Variants in MACF1 observed in about 807,000 individuals in gnomAD.
MACF1 encodes microtubule actin crosslinking factor 1.
In MACF1, 193 loss-of-function variants were observed where a neutral mutation model predicts 854.8. That is an observed-to-expected ratio of 0.23 (90% CI 0.20 to 0.25). MACF1 has a LOEUF of 0.25. Ranked by LOEUF, MACF1 falls within the 10% of genes least tolerant of loss-of-function variation. The pLI is 1.00. For synonymous variants in MACF1, 3,185 were observed against 3,226.7 expected (o/e 0.99, Z 0.44); for missense variants, 7,722 against 8,929.1 (o/e 0.86, Z 5.45).
chr1:39,226,664 C>T (rs1644720208), intron 1 of MACF1, among the ~76,000 whole-genome samples: 1 of 151,992 alleles, frequency 6.6e-6, no homozygotes, highest in South Asian at 2.1e-4. Context: ...TAAAAAGAAT[C>T]ATGCTACTCA....
intron 6 of MACF1, among the ~76,000 whole-genome samples, chr1:39,264,828 C>T (rs1158202839): frequency 2.0e-5 from 3 of 151,656 alleles, no homozygotes; most frequent in Non-Finnish European, 4.4e-5. Context: ...CGCCCGCCAC[C>T]GCGCCCGGCT....
rs780115554 is a variant in MACF1 at position 39,459,786 on chromosome 1, C to G, written c.21360+537C>G. On this transcript the variant is annotated intron_variant, in intron 91 of 100. Coordinates refer to ENST00000564288, the MANE Select transcript of MACF1 (RefSeq NM_001394062.1). ...AGTTTCTAAAACAAGCCTCTAATAT[C>G]TTTTGTATTTTTTTATTTGTGCATA... is the stretch of plus-strand genomic sequence containing the variant. The G allele has an allele frequency of 2.3e-6, 3 of 1,295,550 alleles. No homozygotes were observed. In the South Asian group the frequency reaches 3.7e-5, roughly 16 times the overall value. The allele number at this position is 1,295,550 out of a possible 1,614,324, so 80.3% of individuals were successfully genotyped here.
intron 2 of MACF1, among the ~76,000 whole-genome samples, chr1:39,186,196 C>T (rs1292225462): frequency 7.8e-6 from 1 of 127,538 alleles, no homozygotes; most frequent in African/African-American, 3.2e-5. Flanking sequence ...CTCTCTCTCT[C>T]TCTCTCTCTC....
intron 48 of MACF1, 80 bp from the exon 49 acceptor site, chr1:39,361,280 T>G: frequency 5.1e-6 from 7 of 1,365,848 alleles, no homozygotes; most frequent in Non-Finnish European, 5.1e-6. Flanking sequence ...CCTTGTGAGA[T>G]AGCATATAGT....
chr1:39,332,196 A>G lies in MACF1; in HGVS notation c.5608A>G (p.Ile1870Val). ...AATTACAGATGCCCTAGAACAAGGT[A>G]TTGTGTCTACTGAACTAGCACATAA... ...LPITDALEQG[I>V]VSTELAHKIL... Residue 1870 changes from isoleucine (I) to valine (V), a missense_variant, in exon 37 of 101, where the codon ATT (isoleucine) becomes GTT (valine). Around this residue, in one of 15 missense-constraint regions of MACF1, gnomAD observed 1,531 missense variants for 1,601.6 expected, o/e 0.96. Coordinates refer to ENST00000564288, the MANE Select transcript of MACF1 (RefSeq NM_001394062.1). The G allele has an allele frequency of 7.4e-6, 12 of 1,614,106 alleles. No homozygotes were observed. The highest frequency in any genetic ancestry group is 1.0e-5 in the Non-Finnish European group (12 of 1,180,028).
chr1:39,389,388 C>A (rs2148571604), intron 58 of MACF1, among the ~76,000 whole-genome samples: 1 of 105,726 alleles, frequency 9.5e-6, no homozygotes, highest in Non-Finnish European at 1.7e-5. Flanking sequence ...GAGACAGAGT[C>A]TTGCTCTGTA....
rs1553155691 is a variant in MACF1 at position 39,173,351 on chromosome 1, AAAAG to A, written c.221-57815_221-57812del. On this transcript the variant is annotated intron_variant, in intron 2 of 93. Coordinates refer to the MACF1 transcript ENST00000361689. ...CAGACTCCATCTCAAAAAAAAAAAA[AAAAG>A]AAAGAAAGAAAGAAAAAGCACTGGA... Among the ~76,000 whole-genome samples, 158 of 126,240 alleles carry A rather than the reference AAAAG, an allele frequency of 1.3e-3. 1 individual carries two copies. Among genetic ancestry groups the A allele is most frequent in the African/African-American group, 4.5e-3 (153 of 34,004 alleles). 82.8% of individuals were successfully genotyped at this position (126,240 alleles called of 152,430 possible).
intron 5 of MACF1, among the ~76,000 whole-genome samples, chr1:39,255,766 G>T (rs971344606): frequency 4.6e-5 from 7 of 152,196 alleles, no homozygotes; most frequent in African/African-American, 1.7e-4. Context: ...AGAAGTGGAG[G>T]TTGCTGAAGT....
At chr1:39,089,592 G>C (rs978177202) in intron 2 of MACF1, among the ~76,000 whole-genome samples, 6 of 152,132 alleles carry the variant, frequency 3.9e-5, no homozygotes, top group South Asian at 2.1e-4. Flanking sequence ...CTGGGACAGA[G>C]AGCCATGAGA....
At chr1:39,272,477 G>GAGAC (rs2148361906) in intron 6 of MACF1, among the ~76,000 whole-genome samples, 1 of 152,342 alleles carries the variant, frequency 6.6e-6, no homozygotes, top group Admixed American at 6.5e-5. Flanking sequence ...GTCTAAACAG[G>GAGAC]AGACAGCTGG....
intron 26 of MACF1, among the ~76,000 whole-genome samples, chr1:39,312,998 G>C (rs1355545509): frequency 1.3e-5 from 2 of 152,156 alleles, no homozygotes; most frequent in Admixed American, 6.5e-5. Flanking sequence ...TATTGCATTT[G>C]GTTGCTGTGT....
intron 2 of MACF1, among the ~76,000 whole-genome samples, chr1:39,153,733 T>C (rs1037354597): frequency 1.2e-4 from 18 of 152,224 alleles, no homozygotes; most frequent in Non-Finnish European, 1.8e-4. Flanking sequence ...AGCCTGACTT[T>C]TTTTGTCTTC....
chr1:39,392,078 C>T (rs545888603), intron 58 of MACF1, among the ~76,000 whole-genome samples: 110 of 152,250 alleles, frequency 7.2e-4, no homozygotes, highest in African/African-American at 2.5e-3. Flanking sequence ...GTTGGGGATG[C>T]AAATCAAAAG....
intron 2 of MACF1, among the ~76,000 whole-genome samples, chr1:39,145,522 T>C (rs1643444627): frequency 2.6e-5 from 4 of 152,020 alleles, no homozygotes; most frequent in Admixed American, 2.6e-4. Flanking sequence ...CTCTGTGCTT[T>C]TTTTTTCTTT....
chr1:39,295,757 C>A (rs752729993), intron 19 of MACF1, 30 bp from the exon 20 acceptor site: 13 of 1,548,098 alleles, frequency 8.4e-6, no homozygotes, highest in Non-Finnish European at 7.1e-6. Context: ...TAAACTCAAG[C>A]CCTTCTGTCT....
At chr1:39,217,336 A>G (rs1292979799) in intron 1 of MACF1, among the ~76,000 whole-genome samples, 1 of 151,242 alleles carries the variant, frequency 6.6e-6, no homozygotes, top group African/African-American at 2.4e-5. Flanking sequence ...GTGCAGTGGT[A>G]TGATCTTGGC....
In MACF1 at chr1:39,447,606, T is replaced by C. The variant is rs1452842452; in HGVS notation, c.19761+19T>C. 2.5e-6 allele frequency: 4 copies of C among 1,613,826 alleles called. No individual in the cohort carries two copies. Among genetic ancestry groups the C allele is most frequent in the Non-Finnish European group, 3.4e-6 (4 of 1,179,744 alleles). On this transcript the variant is annotated intron_variant, in intron 81 of 100. Transcript: ENST00000564288. ...GCACAAGGTAAGTATGATATTATGA[T>C]GCTGCATTCTTTTTGAAAGCACTAA...
In MACF1 at chr1:39,350,785, G is replaced by A; in HGVS notation, c.10966G>A (p.Asp3656Asn). The change falls in exon 43 of 101, where the codon GAT becomes AAT. Residue 3656 changes from aspartate (D) to asparagine (N), a missense_variant and splice_region_variant. Around this residue, in one of 15 missense-constraint regions of MACF1, gnomAD observed 2,807 missense variants for 3,235.8 expected, o/e 0.87. Coordinates refer to ENST00000564288, the MANE Select transcript of MACF1 (RefSeq NM_001394062.1). Reference protein sequence around the residue: ...ALQKNQSDLKDLQDDIQNRAT... With the variant: ...ALQKNQSDLKNLQDDIQNRAT... ...GCCATTCCTATTTTCTTGTGTTAAG[G>A]ATTTACAGGATGACATTCAGAATCG... is the stretch of plus-strand genomic sequence containing the variant. The A allele has an allele frequency of 6.2e-7, 1 of 1,611,656 alleles. No individual in the cohort carries two copies. The highest frequency in any genetic ancestry group is 1.1e-5 in the South Asian group (1 of 90,922).
intron 88 of MACF1, among the ~76,000 whole-genome samples, 172 bp downstream of exon 88, chr1:39,454,022 A>C (rs149547678): frequency 6.6e-6 from 1 of 152,328 alleles, no homozygotes; most frequent in East Asian, 1.9e-4. Flanking sequence ...GGCAACCTGG[A>C]GGAGTAGTGT....
Sources: allele counts gnomAD v4.1 joint callset (sites outside exome capture counted in the v4.1 genomes callset), GRCh38; gene constraint gnomAD v4.1.1; regional missense constraint gnomAD v4.1.1; transcripts MANE v1.5; gene names NCBI Gene and HGNC (gene_info 2026-07-23, HGNC 2026-07-21).